ACSBG1: variants seen among roughly 807,000 people sequenced by gnomAD.
ACSBG1 encodes acyl-CoA synthetase bubblegum family member 1.
A neutral mutation model predicts 80.2 loss-of-function variants in ACSBG1; 39 were observed. That is an observed-to-expected ratio of 0.49 (90% CI 0.38 to 0.64). The LOEUF (loss-of-function observed/expected upper bound fraction) is 0.64, where lower values mean the gene tolerates loss of function less well. ACSBG1 is among the 30% of genes least tolerant of loss of function. The probability of loss-of-function intolerance (pLI) is 0.00; values close to 1 mark genes in which losing one functional copy is unlikely to be tolerated. For missense variants in ACSBG1, 828 were observed against 966.4 expected (o/e 0.86, Z 1.90); for synonymous variants, 392 against 379.5 (o/e 1.03, Z -0.38).
rs142584787 is a variant in ACSBG1, at chr15:78,211,447, A to G, written c.132-3345T>C. Among the ~76,000 whole-genome samples the G allele has an allele frequency of 2.0e-4, 31 of 152,358 alleles. No homozygotes were observed. The East Asian group carries it at 5.4e-3, about 27-fold the overall frequency. On this transcript the variant is annotated intron_variant, in intron 1 of 13. Transcript: ENST00000258873. ...GCTTCTGTCTGCATTTTGAATTCCC[A>G]GGAGGAAGAAGAGCTTACAAGGTTG... is the stretch of plus-strand genomic sequence containing the variant.
intron 10 of ACSBG1, among the ~76,000 whole-genome samples, chr15:78,179,237 C>T (rs1442058978): frequency 6.6e-6 from 1 of 152,282 alleles, no homozygotes; most frequent in Non-Finnish European, 1.5e-5. Flanking sequence ...GGAGCACACC[C>T]CACTCCAAAA....
intron 1 of ACSBG1, among the ~76,000 whole-genome samples, chr15:78,221,679 T>C (rs2075360918): frequency 6.6e-6 from 1 of 152,178 alleles, no homozygotes; most frequent in African/African-American, 2.4e-5. Context: ...TATCTCAGGC[T>C]GTCTCAGTGG....
intron 2 of ACSBG1, among the ~76,000 whole-genome samples, chr15:78,201,486 A>G (rs183662970): frequency 1.2e-4 from 18 of 152,356 alleles, no homozygotes; most frequent in Admixed American, 5.2e-4. Flanking sequence ...TGAGAGACTT[A>G]GGTAGGGCCT....
rs965012411 is a variant in ACSBG1 at position 78,202,317 on chromosome 15, T to C, written c.232+5685A>G. 5.3e-5 allele frequency among the ~76,000 whole-genome samples: 8 copies of C among 152,194 alleles called. No individual in the cohort carries two copies. In the East Asian group the frequency reaches 1.5e-3, roughly 29 times the overall value. ...CCCCTGCCTCCTGGGTTCAAGCGAT[T>C]CCCCCGCCTCAGCCTCCCGAGTAGC... is the stretch of plus-strand genomic sequence containing the variant. On this transcript the variant is annotated intron_variant, in intron 2 of 13. Coordinates refer to ENST00000258873, the MANE Select transcript of ACSBG1 (RefSeq NM_015162.5).
intron 1 of ACSBG1, among the ~76,000 whole-genome samples, chr15:78,232,351 G>T (rs2075453202): frequency 6.6e-6 from 1 of 152,202 alleles, no homozygotes; most frequent in Non-Finnish European, 1.5e-5. Flanking sequence ...TCCCTACGGG[G>T]TCCCAAGACC....
chr15:78,182,233 A>C, intron 7 of ACSBG1, 88 bp from the exon 8 acceptor site: 1 of 1,504,364 alleles, frequency 6.6e-7, no homozygotes, highest in Non-Finnish European at 8.9e-7. Flanking sequence ...GGCCAGCCCC[A>C]GTGTGGTGCC....
intron 5 of ACSBG1, among the ~76,000 whole-genome samples, chr15:78,189,648 A>T (rs571615418): frequency 1.7e-4 from 26 of 151,686 alleles, no homozygotes; most frequent in Non-Finnish European, 3.1e-4. Context: ...CAGGAAGGGG[A>T]ACATCACACT....
In ACSBG1 at chr15:78,168,991, A is replaced by G; in HGVS notation, c.*2453T>C. The G allele has an allele frequency of 6.3e-7, 1 of 1,597,298 alleles. No individual in the cohort carries two copies. Among genetic ancestry groups the G allele is most frequent in the Non-Finnish European group, 8.6e-7 (1 of 1,165,886 alleles). On this transcript the variant is annotated 3_prime_UTR_variant, in exon 14 of 14. Transcript: ENST00000258873. ...CACAGAGGAAATCTGTCGCCGAGTA[A>G]AAGATTTAGATTAACACTTCTACAA...
intron 1 of ACSBG1, among the ~76,000 whole-genome samples, chr15:78,214,344 C>A (rs1441252101): frequency 1.3e-5 from 2 of 152,198 alleles, no homozygotes; most frequent in African/African-American, 2.4e-5. Flanking sequence ...CTACAACTCC[C>A]AAATTCCAAA....
intron 1 of ACSBG1, among the ~76,000 whole-genome samples, chr15:78,232,123 T>C (rs781134017): frequency 1.3e-5 from 2 of 152,186 alleles, no homozygotes; most frequent in African/African-American, 4.8e-5. Context: ...ACTATGCCTG[T>C]GATGGGTAAC....
rs2074793569 is a variant in ACSBG1, at chr15:78,169,611, T to C, written c.*1833A>G. 2 of 152,218 alleles carry C rather than the reference T, an allele frequency of 1.3e-5. No homozygotes were observed. The highest frequency in any genetic ancestry group is 4.8e-5 in the African/African-American group (2 of 41,452). 9.4% of individuals were successfully genotyped at this position (152,218 alleles called of 1,614,324 possible). Reference sequence around the variant, plus strand: ...ATAAAAACTTCAGATCCAAGAAATATATAATGAGAGATATAATTTTTGTTA... The same window carrying C: ...ATAAAAACTTCAGATCCAAGAAATACATAATGAGAGATATAATTTTTGTTA... On this transcript the variant is annotated 3_prime_UTR_variant, in exon 14 of 14. Transcript: ENST00000258873.
chr15:78,208,403 A>T (rs920923891), intron 1 of ACSBG1, among the ~76,000 whole-genome samples: 4 of 151,994 alleles, frequency 2.6e-5, no homozygotes, highest in African/African-American at 9.7e-5. Flanking sequence ...GGGCAAGTTC[A>T]TGCCTCTCTC....
rs1162509666 is a variant in ACSBG1, at chr15:78,169,851, T to C, written c.*1593A>G. 2 of 152,238 alleles carry C rather than the reference T, an allele frequency of 1.3e-5. No individual in the cohort carries two copies. The highest frequency in any genetic ancestry group is 1.3e-4 in the Admixed American group (2 of 15,290). The allele number at this position is 152,238 out of a possible 1,614,324, so 9.4% of individuals were successfully genotyped here. The stretch of plus-strand genomic sequence containing the variant: ...AAGGGCTGAGTGTATTGTAAACTTA[T>C]TCTTGCATGTTGCTGTCTGGGAATG... On this transcript the variant is annotated 3_prime_UTR_variant, in exon 14 of 14. Coordinates refer to ENST00000258873, the MANE Select transcript of ACSBG1 (RefSeq NM_015162.5).
At chr15:78,230,670 G>GT (rs2075438626) in intron 1 of ACSBG1, among the ~76,000 whole-genome samples, 2 of 152,202 alleles carry the variant, frequency 1.3e-5, no homozygotes, top group Admixed American at 6.5e-5. Context: ...TCTCGTTACA[G>GT]TAAGTCGCAC....
chr15:78,185,291 T>C (rs1225702663), intron 5 of ACSBG1, among the ~76,000 whole-genome samples: 1 of 152,286 alleles, frequency 6.6e-6, no homozygotes. Flanking sequence ...GGAAGACCAA[T>C]GACCAGGGCT....
intron 5 of ACSBG1, 54 bp from the exon 6 acceptor site, chr15:78,182,839 A>G: frequency 1.3e-6 from 2 of 1,592,502 alleles, no homozygotes; most frequent in Non-Finnish European, 1.7e-6. Flanking sequence ...GTCACCTTCT[A>G]AAAAGTACCC....
intron 5 of ACSBG1, among the ~76,000 whole-genome samples, chr15:78,185,042 C>T (rs425021): frequency 9.7e-5 from 9 of 92,836 alleles, no homozygotes; most frequent in East Asian, 3.1e-4. Flanking sequence ...GAGAAAGGGG[C>T]GGAGGGGAGG....
At position 78,167,970 on chromosome 15, in the gene ACSBG1, A is replaced by G. The variant is rs1460512117; in HGVS notation, c.*3474T>C. On this transcript the variant is annotated 3_prime_UTR_variant, in exon 14 of 14. Transcript: ENST00000258873. ...TTTGGGAAGTTATAATCTACAGCCC[A>G]GTAGAGAGGTGCCTGAATTACATAG... 1 of 152,220 alleles carries G rather than the reference A, an allele frequency of 6.6e-6. No individual in the cohort carries two copies. Among genetic ancestry groups the G allele is most frequent in the Non-Finnish European group, 1.5e-5 (1 of 68,042 alleles). 9.4% of individuals were successfully genotyped at this position (152,220 alleles called of 1,614,324 possible). A position where few individuals can be genotyped will look rare whatever the true frequency, so the allele number is the denominator to read the frequency against.
chr15:78,216,070 T>A (rs1325839343), intron 1 of ACSBG1, among the ~76,000 whole-genome samples: 3 of 152,226 alleles, frequency 2.0e-5, no homozygotes, highest in Non-Finnish European at 4.4e-5. Flanking sequence ...ATTGCTTTTT[T>A]AAAAAACATA....
Sources: gnomAD v4.1 joint callset for allele counts (sites outside exome capture counted in the v4.1 genomes callset) on GRCh38, gnomAD v4.1.1 for gene constraint, MANE v1.5 for transcripts, NCBI Gene and HGNC (gene_info 2026-07-23, HGNC 2026-07-21) for gene names.